RASA4B: variants seen among roughly 807,000 people sequenced by gnomAD.
RASA4B encodes RAS p21 protein activator 4B, also known as ras GTPase-activating protein 4B.
In RASA4B, 2 loss-of-function variants were observed where a neutral mutation model predicts 24.2. The ratio of observed to expected loss-of-function variants is 0.08; its 90% CI spans 0.03 to 0.26. RASA4B has a LOEUF of 0.26. RASA4B is among the 10% of genes least tolerant of loss of function. The probability of loss-of-function intolerance (pLI) is 1.00; values close to 1 mark genes in which losing one functional copy is unlikely to be tolerated. For missense variants in RASA4B, 8 were observed against 277.2 expected, an observed-to-expected ratio of 0.03 and a Z score of 6.90; for synonymous variants, 2 against 125.6, an observed-to-expected ratio of 0.02 and a Z score of 6.58.
At chr7:102,498,217 G>T (rs1222161622) in intron 8 of RASA4B, among the ~76,000 whole-genome samples, 1 of 147,818 alleles carries the variant, frequency 6.8e-6, no homozygotes, top group African/African-American at 2.4e-5. Context: ...AATATTTTTA[G>T]TATAGGTATG....
chr7:102,490,655 G>A (rs1189093844), intron 17 of RASA4B, among the ~76,000 whole-genome samples: 3 of 152,336 alleles, frequency 2.0e-5, no homozygotes, highest in Admixed American at 6.5e-5. Context: ...GGTGCCTGAT[G>A]TAGCTGGTAG....
At chr7:102,495,954 G>T (rs557528482) in intron 11 of RASA4B, among the ~76,000 whole-genome samples, 186 bp downstream of exon 11, 15 of 149,818 alleles carry the variant, frequency 1.0e-4, no homozygotes, top group African/African-American at 3.4e-4. Flanking sequence ...TGATCCGCCC[G>T]CCTCAGCCTC....
chr7:102,508,774 ATTTTATTTTTTAT>A (rs1799608973), intron 4 of RASA4B, among the ~76,000 whole-genome samples: 1 of 146,224 alleles, frequency 6.8e-6, no homozygotes, highest in African/African-American at 2.5e-5. Flanking sequence ...CCCGGCCTCT[ATTTTATTTTTTAT>A]TTTTATTTTT....
At chr7:102,497,851 CACCTT>C in intron 8 of RASA4B, among the ~76,000 whole-genome samples, 1 of 92,018 alleles carries the variant, frequency 1.1e-5, no homozygotes, top group Non-Finnish European at 2.3e-5. Flanking sequence ...TCTATGGAAA[CACCTT>C]GTGCTGGACA....
chr7:102,480,173 G>C lies in RASA4B; in HGVS notation c.*3419C>G, dbSNP rs1407510521. Among the ~76,000 whole-genome samples, 1 of 152,108 alleles carries C rather than the reference G, an allele frequency of 6.6e-6. No homozygotes were observed. The highest frequency in any genetic ancestry group is 1.5e-5 in the Non-Finnish European group (1 of 68,024). On this transcript the variant is annotated 3_prime_UTR_variant, in exon 21 of 21. Transcript: ENST00000465829. ...GGTCTAGCGGTAACGCCAGCATCTGGGAAGACACCTGTTGCCAAGCCCACC... is the reference window on the plus strand; with the variant it reads ...GGTCTAGCGGTAACGCCAGCATCTGCGAAGACACCTGTTGCCAAGCCCACC...
At chr7:102,498,251 T>C (rs1799232795) in intron 8 of RASA4B, among the ~76,000 whole-genome samples, 1 of 150,028 alleles carries the variant, frequency 6.7e-6, no homozygotes, top group African/African-American at 2.4e-5. Context: ...ATGGTCATTC[T>C]TCTTCTTTAT....
At chr7:102,492,922 TCC>T (rs1799009557) in intron 16 of RASA4B, among the ~76,000 whole-genome samples, 192 bp downstream of exon 16, 1 of 146,282 alleles carries the variant, frequency 6.8e-6, no homozygotes, top group Admixed American at 6.9e-5. Flanking sequence ...CGCCTTGGCC[TCC>T]CAAAGTCCTG....
chr7:102,489,648 A>G (rs1379203941), intron 17 of RASA4B, among the ~76,000 whole-genome samples: 5 of 149,650 alleles, frequency 3.3e-5, no homozygotes, highest in African/African-American at 1.2e-4. Context: ...ACCCACCACC[A>G]CACCCGGCTA....
At chr7:102,513,199 C>T (rs1366834170) in intron 1 of RASA4B, among the ~76,000 whole-genome samples, 2 of 141,358 alleles carry the variant, frequency 1.4e-5, no homozygotes, top group African/African-American at 2.6e-5. Flanking sequence ...CAGGACGGGA[C>T]GGGGAGGAAG....
chr7:102,488,620 AG>A (rs1798785706), intron 17 of RASA4B, 22 bp from the exon 18 acceptor site: 1 of 599,982 alleles, frequency 1.7e-6, no homozygotes, highest in Non-Finnish European at 3.0e-6. Flanking sequence ...ACGGAGGGGG[AG>A]GCCTGTTCAG....
intron 16 of RASA4B, among the ~76,000 whole-genome samples, chr7:102,492,665 T>A (rs1271106064): frequency 1.4e-5 from 2 of 143,814 alleles, no homozygotes; most frequent in African/African-American, 2.5e-5. Flanking sequence ...TCCTCCATAT[T>A]CATTTTTTTT....
chr7:102,498,620 G>C (rs1799256630), intron 8 of RASA4B, among the ~76,000 whole-genome samples: 1 of 136,632 alleles, frequency 7.3e-6, no homozygotes. Flanking sequence ...TGGGATCTCG[G>C]CTCACTGCAA....
Position 102,480,097 on chromosome 7 carries a change from A to C in RASA4B, c.*3495T>G, listed in dbSNP as rs1426387470. On this transcript the variant is annotated 3_prime_UTR_variant, in exon 21 of 21. Coordinates refer to ENST00000465829, the MANE Select transcript of RASA4B (RefSeq NM_001367767.2). ...GGACAATGAGGAGTGACCAGAAGAC[A>C]AGAGTGCGAGCTTTCTGTTATGCCC... is the stretch of plus-strand genomic sequence containing the variant. 1.3e-5 allele frequency among the ~76,000 whole-genome samples: 2 copies of C among 152,044 alleles called. No individual in the cohort carries two copies. Among genetic ancestry groups the C allele is most frequent in the East Asian group, 3.8e-4 (2 of 5,202 alleles).
At chr7:102,497,860 CTG>C in intron 8 of RASA4B, among the ~76,000 whole-genome samples, 1 of 88,080 alleles carries the variant, frequency 1.1e-5, no homozygotes, top group Non-Finnish European at 2.4e-5. Flanking sequence ...ACACCTTGTG[CTG>C]GACACACAGC....
chr7:102,512,700 TGAGGGGGTGAGA>T (rs1799728286), intron 1 of RASA4B, among the ~76,000 whole-genome samples: 1 of 114,546 alleles, frequency 8.7e-6, no homozygotes, highest in Non-Finnish European at 1.8e-5. Flanking sequence ...AGGGGGAGAC[TGAGGGGGTGAGA>T]GAGGGGGGAG....
Position 102,480,238 on chromosome 7 carries a change from G to A in RASA4B, c.*3354C>T, listed in dbSNP as rs767849354. ...GCGTTAGTGTCAAGGAAAAACACCC[G>A]CTACTTAGCAGACCAGGAAAGGGAG... On this transcript the variant is annotated 3_prime_UTR_variant, in exon 21 of 21. Coordinates refer to ENST00000465829, the MANE Select transcript of RASA4B (RefSeq NM_001367767.2). 6.6e-6 allele frequency among the ~76,000 whole-genome samples: 1 copy of A among 152,148 alleles called. No homozygotes were observed. The highest frequency in any genetic ancestry group is 2.4e-5 in the African/African-American group (1 of 41,446).
intron 2 of RASA4B, among the ~76,000 whole-genome samples, chr7:102,511,328 G>A (rs1240598427): frequency 4.3e-3 from 246 of 57,588 alleles, no homozygotes; most frequent in Non-Finnish European, 5.6e-3. Context: ...AGGGACATCC[G>A]GAGGAAGTGA....
rs1377642811 is a variant in RASA4B, at chr7:102,481,043, T to C, written c.*2549A>G. On this transcript the variant is annotated 3_prime_UTR_variant, in exon 21 of 21. Coordinates refer to ENST00000465829, the MANE Select transcript of RASA4B (RefSeq NM_001367767.2). ...TTCTTAACATTTTGTTTTGTTGCAATTGGTTAAATATCTTCTCTTTTTTAT... is the reference window on the plus strand; with the variant it reads ...TTCTTAACATTTTGTTTTGTTGCAACTGGTTAAATATCTTCTCTTTTTTAT... 7.6e-5 allele frequency among the ~76,000 whole-genome samples: 7 copies of C among 92,090 alleles called. 3 individuals carry two copies. Among genetic ancestry groups the C allele is most frequent in the African/African-American group, 2.1e-4 (7 of 32,598 alleles). 60.4% of individuals were successfully genotyped at this position (92,090 alleles called of 152,430 possible).
rs1185378975 is a variant in RASA4B, at chr7:102,499,184, CAA to C, written c.737+1513_737+1514del. On this transcript the variant is annotated intron_variant, in intron 8 of 20. Transcript: ENST00000465829. Reference sequence around the variant, plus strand: ...CTAGGTGACAGAGTGAGATTCTGCTCAAAAAAAAAATATATATATATATATAT... The same window carrying C: ...CTAGGTGACAGAGTGAGATTCTGCTCAAAAAAAATATATATATATATATAT... Among the ~76,000 whole-genome samples the C allele has an allele frequency of 1.0e-3, 92 of 89,386 alleles. 7 individuals carry two copies. Among genetic ancestry groups the C allele is most frequent in the Middle Eastern group, 7.7e-3 (1 of 130 alleles). 58.6% of individuals were successfully genotyped at this position (89,386 alleles called of 152,430 possible).
Sources: gnomAD v4.1 joint callset for allele counts (sites outside exome capture counted in the v4.1 genomes callset) on GRCh38, gnomAD v4.1.1 for gene constraint, MANE v1.5 for transcripts, NCBI Gene and HGNC (gene_info 2026-07-23, HGNC 2026-07-21) for gene names.